ADAMTS20: variants seen among roughly 807,000 people sequenced by gnomAD.
ADAMTS20 encodes ADAM metallopeptidase with thrombospondin type 1 motif 20.
A neutral mutation model predicts 260.1 loss-of-function variants in ADAMTS20; 225 were observed. The ratio of observed to expected loss-of-function variants is 0.87; its 90% CI spans 0.78 to 0.97. ADAMTS20 has a LOEUF of 0.97. Among genes scored for constraint, ADAMTS20 ranks in the 50% least tolerant of loss-of-function variants. The probability of loss-of-function intolerance (pLI) is 0.00; values close to 1 mark genes in which losing one functional copy is unlikely to be tolerated. For synonymous variants in ADAMTS20, 802 were observed against 769.5 expected (o/e 1.04, Z -0.70); for missense variants, 2,400 against 2,337.7 (o/e 1.03, Z -0.55).
At chr12:43,436,005 C>T (rs2201464) in intron 18 of ADAMTS20, among the ~76,000 whole-genome samples, 116,913 of 152,092 alleles carry the variant, frequency 0.77, 46,185 homozygotes, top group East Asian at 1. Context: ...TGATTATATA[C>T]GTTATCTCTG....
intron 37 of ADAMTS20, among the ~76,000 whole-genome samples, chr12:43,357,545 A>G (rs1939771162): frequency 6.6e-6 from 1 of 152,220 alleles, no homozygotes; most frequent in African/African-American, 2.4e-5. Flanking sequence ...GCAATCTTAT[A>G]TTGTATATTT....
chr12:43,445,011 C>T (rs1242236986), intron 15 of ADAMTS20, among the ~76,000 whole-genome samples: 1 of 152,032 alleles, frequency 6.6e-6, no homozygotes, highest in African/African-American at 2.4e-5. Flanking sequence ...TTTTAATTAA[C>T]CTCCTTTTCA....
chr12:43,416,895 T>A (rs368198034), intron 28 of ADAMTS20, among the ~76,000 whole-genome samples: 49 of 152,288 alleles, frequency 3.2e-4, no homozygotes, highest in African/African-American at 8.9e-4. Context: ...CTTTTCCCAA[T>A]CAAAATCCTA....
rs140826340 is a variant in ADAMTS20 at position 43,505,273 on chromosome 12, C to G, written c.614-2868G>C. On this transcript the variant is annotated intron_variant, in intron 3 of 38. Coordinates refer to ENST00000389420, the MANE Select transcript of ADAMTS20 (RefSeq NM_025003.5). ...GCATCAAAAGCACAGGCAACAAAAG[C>G]AAAAATAGACAAATGGGACTACATC... 5.2e-4 allele frequency among the ~76,000 whole-genome samples: 79 copies of G among 151,978 alleles called. 1 individual carries two copies. Among genetic ancestry groups the G allele is most frequent in the African/African-American group, 1.8e-3 (75 of 41,468 alleles).
intron 3 of ADAMTS20, among the ~76,000 whole-genome samples, chr12:43,504,387 T>C (rs1231409614): frequency 6.6e-6 from 1 of 152,194 alleles, no homozygotes; most frequent in Non-Finnish European, 1.5e-5. Flanking sequence ...TGAACTTCTT[T>C]TTCTAATTCC....
At chr12:43,472,630 C>T (rs201748477) in intron 7 of ADAMTS20, among the ~76,000 whole-genome samples, 2,442 of 130,004 alleles carry the variant, frequency 0.019, 31 homozygotes, top group East Asian at 0.063. Context: ...AGACTAACAG[C>T]GGATCTCTCG....
chr12:43,383,260 T>A (rs1263319414), intron 31 of ADAMTS20, among the ~76,000 whole-genome samples: 1 of 152,228 alleles, frequency 6.6e-6, no homozygotes, highest in Non-Finnish European at 1.5e-5. Flanking sequence ...TACACCTCGA[T>A]AAAGCCATTT....
At chr12:43,393,821 C>A (rs1156596029) in intron 29 of ADAMTS20, among the ~76,000 whole-genome samples, 2 of 151,930 alleles carry the variant, frequency 1.3e-5, no homozygotes, top group Non-Finnish European at 2.9e-5. Flanking sequence ...ATTATGAAAT[C>A]TTTCTATAAC....
intron 7 of ADAMTS20, among the ~76,000 whole-genome samples, chr12:43,480,980 AATAAG>A (rs1456777130): frequency 1.3e-5 from 2 of 152,296 alleles, no homozygotes; most frequent in South Asian, 2.1e-4. Context: ...CAAAAAAAAG[AATAAG>A]ATAATAGGTT....
At chr12:43,435,989 T>C (rs977905017) in intron 18 of ADAMTS20, among the ~76,000 whole-genome samples, 2 of 152,152 alleles carry the variant, frequency 1.3e-5, no homozygotes, top group Non-Finnish European at 2.9e-5. Context: ...TCCAGTTAAC[T>C]AAACATGATT....
In ADAMTS20 at chr12:43,519,682, C is replaced by A. The variant is rs184349724; in HGVS notation, c.613+12354G>T. On this transcript the variant is annotated intron_variant, in intron 3 of 38. Transcript: ENST00000389420. ...CTCATTTCTTCTCCCGGCACACCTA[C>A]CCCATGGTAAGAAACTTTTCATTTA... Among the ~76,000 whole-genome samples the A allele has an allele frequency of 2.0e-4, 30 of 152,280 alleles. No homozygotes were observed. In the East Asian group the frequency reaches 5.8e-3, roughly 29 times the overall value.
intron 10 of ADAMTS20, 21 bp downstream of exon 10, chr12:43,464,570 A>G (rs764915036): frequency 6.2e-7 from 1 of 1,604,394 alleles, no homozygotes; most frequent in Admixed American, 1.7e-5. Flanking sequence ...CGAACAAAAT[A>G]AAGGAATTTT....
At chr12:43,380,366 G>A (rs1054811114) in intron 31 of ADAMTS20, among the ~76,000 whole-genome samples, 1 of 152,118 alleles carries the variant, frequency 6.6e-6, no homozygotes, top group African/African-American at 2.4e-5. Context: ...TTCCTACAGA[G>A]AGCAGGAACA....
Position 43,551,186 on chromosome 12 carries a change from T to TG in ADAMTS20, c.175dup (p.His59ProfsTer98). The TG allele has an allele frequency of 6.2e-7, 1 of 1,613,862 alleles. No homozygotes were observed. ...GCTGCGTTTCTGCCGGCTGAAGTGG[T>TG]GGCTCTGAGGGAACACTTCTCCAAA... On this transcript the variant is annotated frameshift_variant, in exon 2 of 39. Transcript: ENST00000389420. LOFTEE classifies it high-confidence loss of function. This position sits in a 1 kb window ranked among gnomAD's most constrained non-coding sequence, Gnocchi z 4.6.
At chr12:43,506,620 C>G (rs1942846486) in intron 3 of ADAMTS20, among the ~76,000 whole-genome samples, 2 of 151,928 alleles carry the variant, frequency 1.3e-5, no homozygotes, top group Admixed American at 1.3e-4. Context: ...GCTGGGATAA[C>G]AGGCGTGCGC....
intron 7 of ADAMTS20, among the ~76,000 whole-genome samples, chr12:43,472,211 C>A (rs371984346): frequency 6.7e-6 from 1 of 149,046 alleles, no homozygotes; most frequent in African/African-American, 2.5e-5. Flanking sequence ...GGAGCCGATG[C>A]GATCAACTGG....
chr12:43,377,257 G>A, intron 32 of ADAMTS20, 108 bp downstream of exon 32: 1 of 918,408 alleles, frequency 1.1e-6, no homozygotes, highest in Non-Finnish European at 1.6e-6. Context: ...GAAAATAGTG[G>A]TCTGAGGCAA....
intron 28 of ADAMTS20, among the ~76,000 whole-genome samples, chr12:43,401,663 T>C (rs1265829252): frequency 6.6e-6 from 1 of 151,836 alleles, no homozygotes; most frequent in African/African-American, 2.4e-5. Flanking sequence ...CAGACTGTTA[T>C]TGTCATTGAA....
intron 7 of ADAMTS20, among the ~76,000 whole-genome samples, chr12:43,478,430 T>C (rs528171573): frequency 2.6e-5 from 4 of 151,912 alleles, no homozygotes; most frequent in African/African-American, 9.7e-5. Flanking sequence ...TGTAGTAGAA[T>C]CCCACGGTGA....
Sources: gnomAD v4.1 joint callset for allele counts (sites outside exome capture counted in the v4.1 genomes callset) on GRCh38, gnomAD v4.1.1 for gene constraint, Gnocchi (gnomAD v3.1) non-coding constraint, MANE v1.5 for transcripts, NCBI Gene and HGNC (gene_info 2026-07-23, HGNC 2026-07-21) for gene names.